Variants in TET1 observed in about 807,000 individuals in gnomAD.
TET1 encodes the protein tet methylcytosine dioxygenase 1, also known as methylcytosine dioxygenase TET1.
Under a neutral mutation model 148.7 loss-of-function variants are expected in TET1, and 13 were observed. The observed-to-expected ratio is 0.09, with a 90% CI of 0.06 to 0.14. The LOEUF (loss-of-function observed/expected upper bound fraction) is 0.14. Among genes scored for constraint, TET1 ranks in the 10% least tolerant of loss-of-function variants. TET1 has a pLI of 1.00. For synonymous variants in TET1, 907 were observed against 937.2 expected (o/e 0.97, Z 0.59); for missense variants, 2,182 against 2,553.8 (o/e 0.85, Z 3.14).
chr10:68,594,840 G>A (rs1270149736), intron 2 of TET1, among the ~76,000 whole-genome samples: 19 of 152,060 alleles, frequency 1.2e-4, no homozygotes, highest in African/African-American at 4.6e-4. Flanking sequence ...TTAGCCGGGC[G>A]TGGTGGCACG....
intron 7 of TET1, among the ~76,000 whole-genome samples, chr10:68,669,316 C>CT (rs1322265887): frequency 6.6e-6 from 1 of 151,050 alleles, no homozygotes; most frequent in East Asian, 1.9e-4. Flanking sequence ...CTTTTTTTTC[C>CT]TTTTTTCTTT....
chr10:68,609,654 A>G (rs2054178615), intron 3 of TET1, among the ~76,000 whole-genome samples: 1 of 152,192 alleles, frequency 6.6e-6, no homozygotes, highest in African/African-American at 2.4e-5. Flanking sequence ...GTGATGTCAC[A>G]TGAATTTGAT....
intron 11 of TET1, 65 bp downstream of exon 11, chr10:68,686,772 CT>C: frequency 2.8e-6 from 4 of 1,438,644 alleles, no homozygotes; most frequent in Non-Finnish European, 3.8e-6. Context: ...TGGACTTTGC[CT>C]TGCCTTATTT....
intron 2 of TET1, among the ~76,000 whole-genome samples, chr10:68,595,965 C>T (rs865838806): frequency 0.12 from 3,281 of 26,492 alleles, 147 homozygotes; most frequent in Non-Finnish European, 0.17. Context: ...TATATATACA[C>T]ACACACACAC....
At position 68,632,494 on chromosome 10, in the gene TET1, G is replaced by A. The variant is rs192301060; in HGVS notation, c.1969-12204G>A. 20 of 1,613,048 alleles carry A rather than the reference G, an allele frequency of 1.2e-5. No homozygotes were observed. The East Asian group carries it at 4.5e-4, about 36-fold the overall frequency. The stretch of plus-strand genomic sequence containing the variant: ...AATATTGTATGGTTCATTAGGATCT[G>A]TTGTGGCTGGCTTTGGACATTTTTT... On this transcript the variant is annotated intron_variant, in intron 3 of 11. Transcript: ENST00000373644.
At chr10:68,600,233 T>G (rs2054036381) in intron 2 of TET1, among the ~76,000 whole-genome samples, 1 of 152,168 alleles carries the variant, frequency 6.6e-6, no homozygotes, top group African/African-American at 2.4e-5. Flanking sequence ...TTATGTCTCC[T>G]GTACATTGGA....
chr10:68,652,928 C>T (rs550269974), intron 6 of TET1, among the ~76,000 whole-genome samples: 16 of 143,060 alleles, frequency 1.1e-4, no homozygotes, highest in South Asian at 2.2e-4. Context: ...GGATTACAGG[C>T]GTGAGCTACT....
chr10:68,633,035 T>TGG (rs2054599709), intron 3 of TET1, among the ~76,000 whole-genome samples: 1 of 151,880 alleles, frequency 6.6e-6, no homozygotes, highest in East Asian at 1.9e-4. Flanking sequence ...AATACAAAAA[T>TGG]TAGCTGGGCG....
At chr10:68,599,320 G>A (rs2054024813) in intron 2 of TET1, among the ~76,000 whole-genome samples, 2 of 152,226 alleles carry the variant, frequency 1.3e-5, no homozygotes, top group African/African-American at 4.8e-5. Flanking sequence ...AGCTAGGGCT[G>A]TCTTCCCCAG....
Position 68,573,176 on chromosome 10 carries a change from CTTAAG to C in TET1, c.842_846del (p.Lys281IlefsTer2). The C allele has an allele frequency of 6.2e-7, 1 of 1,614,120 alleles. No individual in the cohort carries two copies. Among genetic ancestry groups the C allele is most frequent in the Non-Finnish European group, 8.5e-7 (1 of 1,180,024 alleles). On this transcript the variant is annotated frameshift_variant, in exon 2 of 12. Coordinates refer to ENST00000373644, the MANE Select transcript of TET1 (RefSeq NM_030625.3). LOFTEE classifies it high-confidence loss of function. ...AGAGTTGGGTTCACGAGTAGAATCT[CTTAAG>C]TTATCTGATTCTTACCTGGATCCCA...
At position 68,573,910 on chromosome 10, in the gene TET1, C is replaced by T; in HGVS notation, c.1572C>T (p.Phe524=). 4 of 1,614,166 alleles carry T rather than the reference C, an allele frequency of 2.5e-6. No individual in the cohort carries two copies. The highest frequency in any genetic ancestry group is 3.4e-6 in the Non-Finnish European group (4 of 1,180,024). The change falls in exon 2 of 12, where the codon TTC becomes TTT. Residue 524 remains phenylalanine (F), a synonymous_variant. Transcript: ENST00000373644. ...CATTAGCCCCTGAGAGAGGACTCTT[C>T]CATGCTTCACTGGGTATAGCCCAAC... ...GFPLAPERGL[F]HASLGIAQLS... is the part of the protein sequence containing the mutation.
intron 3 of TET1, among the ~76,000 whole-genome samples, chr10:68,606,224 A>C (rs1296806842): frequency 6.6e-6 from 1 of 151,364 alleles, no homozygotes; most frequent in African/African-American, 2.4e-5. Flanking sequence ...AATATTCGCC[A>C]GGTGTGGTGG....
chr10:68,584,409 AG>A (rs1276056940), intron 2 of TET1, among the ~76,000 whole-genome samples: 1 of 151,834 alleles, frequency 6.6e-6, no homozygotes, highest in South Asian at 2.1e-4. Context: ...GTCTGTTAAA[AG>A]AAAAAAAAAG....
chr10:68,569,166 CTTTT>C (rs34385747), intron 1 of TET1, among the ~76,000 whole-genome samples: 12 of 69,778 alleles, frequency 1.7e-4, no homozygotes, highest in Admixed American at 3.7e-4. Flanking sequence ...AGGAGAGTTT[CTTTT>C]TTTTTTTTTT....
Position 68,611,370 on chromosome 10 carries a change from A to G in TET1, c.1968+10336A>G, listed in dbSNP as rs983605232. On this transcript the variant is annotated intron_variant, in intron 3 of 11. Coordinates refer to ENST00000373644, the MANE Select transcript of TET1 (RefSeq NM_030625.3). The stretch of plus-strand genomic sequence containing the variant: ...CACACTCATGTAGTCCTAGCTACTC[A>G]GAAGGCTAAAGCAAGAGGATTGCTT... 6.6e-5 allele frequency among the ~76,000 whole-genome samples: 10 copies of G among 152,176 alleles called. No homozygotes were observed. In the East Asian group the frequency reaches 1.9e-3, roughly 29 times the overall value.
chr10:68,584,852 G>T (rs1248779875), intron 2 of TET1, among the ~76,000 whole-genome samples: 1 of 147,160 alleles, frequency 6.8e-6, no homozygotes, highest in Non-Finnish European at 1.5e-5. Flanking sequence ...GCAAAATCTC[G>T]CCCTGTTGCC....
rs368121652 is a variant in TET1 at position 68,573,615 on chromosome 10, T to C, written c.1277T>C (p.Val426Ala). 30 of 1,614,202 alleles carry C rather than the reference T, an allele frequency of 1.9e-5. No homozygotes were observed. In the East Asian group the frequency reaches 2.0e-4, roughly 11 times the overall value. The change falls in exon 2 of 12, where the codon GTC (valine) becomes GCC (alanine). Residue 426 changes from valine to alanine, a missense_variant. Val to Ala is a moderately conservative substitution (Grantham distance 64, BLOSUM62 0). Coordinates refer to ENST00000373644, the MANE Select transcript of TET1 (RefSeq NM_030625.3). The part of the protein sequence containing the change: ...QETLGMSGSV[V>A]PDLPVFLPVP... The stretch of plus-strand genomic sequence containing the variant: ...ACTCTTGGTATGAGTGGGAGTGTTG[T>C]CCCAGACTTGCCTGTCTTCCTTCCT...
intron 3 of TET1, among the ~76,000 whole-genome samples, chr10:68,605,547 T>C (rs1240983868): frequency 1.3e-5 from 2 of 152,230 alleles, no homozygotes; most frequent in Non-Finnish European, 2.9e-5. Flanking sequence ...AGAGTCTCAC[T>C]CTGTCACTAA....
intron 2 of TET1, among the ~76,000 whole-genome samples, chr10:68,577,869 C>T (rs1400975962): frequency 6.6e-6 from 1 of 152,060 alleles, no homozygotes; most frequent in Non-Finnish European, 1.5e-5. Context: ...TTCCCAGTTA[C>T]ATGAGAGGCT....
Sources: gnomAD v4.1 joint callset for allele counts (sites outside exome capture counted in the v4.1 genomes callset) on GRCh38, gnomAD v4.1.1 for gene constraint, MANE v1.5 for transcripts, NCBI Gene and HGNC (gene_info 2026-07-23, HGNC 2026-07-21) for gene names.